The following KIAA1958 variants were observed in gnomAD, a reference collection of about 807,000 sequenced individuals.
KIAA1958 encodes KIAA1958, also known as uncharacterized protein KIAA1958.
In KIAA1958, 14 loss-of-function variants were observed where a neutral mutation model predicts 47.2. The observed-to-expected ratio is 0.30, with a 90% confidence interval of 0.20 to 0.46. The LOEUF is 0.46. Among genes scored for constraint, KIAA1958 ranks in the 20% least tolerant of loss-of-function variants. The probability of loss-of-function intolerance (pLI) is 1.00; values close to 1 mark genes in which losing one functional copy is unlikely to be tolerated. For synonymous variants in KIAA1958, 354 were observed against 353.3 expected, an observed-to-expected ratio of 1.00 and a Z score of -0.02; for missense variants, 803 against 909.2, an observed-to-expected ratio of 0.88 and a Z score of 1.50.
chr9:112,491,053 A>G (rs1025425969), intron 1 of KIAA1958, among the ~76,000 whole-genome samples: 2 of 152,202 alleles, frequency 1.3e-5, no homozygotes, highest in African/African-American at 2.4e-5. Flanking sequence ...CTGCCTCTTC[A>G]AACTCCTGGG....
At chr9:112,612,009 GAAAA>G (rs1836335847) in intron 2 of KIAA1958, among the ~76,000 whole-genome samples, 1 of 148,442 alleles carries the variant, frequency 6.7e-6, no homozygotes, top group East Asian at 1.9e-4. Flanking sequence ...ACTAAAAAAA[GAAAA>G]ATATATATTA....
intron 2 of KIAA1958, among the ~76,000 whole-genome samples, chr9:112,581,434 G>A (rs1183517253): frequency 6.6e-6 from 1 of 152,084 alleles, no homozygotes; most frequent in Non-Finnish European, 1.5e-5. Context: ...AATATGGTCC[G>A]TGGACCAGTA....
chr9:112,578,906 C>T (rs1435355523), intron 2 of KIAA1958, among the ~76,000 whole-genome samples: 1 of 152,026 alleles, frequency 6.6e-6, no homozygotes, highest in Middle Eastern at 3.2e-3. Context: ...AATATACTTA[C>T]ATACACATAG....
At chr9:112,543,937 T>A (rs560050940) in intron 1 of KIAA1958, among the ~76,000 whole-genome samples, 2 of 152,322 alleles carry the variant, frequency 1.3e-5, no homozygotes, top group East Asian at 1.9e-4. Context: ...AAAGTTTGTT[T>A]TTAATGAATA....
At chr9:112,510,262 T>C (rs1189253764) in intron 1 of KIAA1958, among the ~76,000 whole-genome samples, 3 of 152,178 alleles carry the variant, frequency 2.0e-5, no homozygotes, top group Non-Finnish European at 4.4e-5. Context: ...CCTAGGGTGG[T>C]TGTGAAGATT....
At position 112,488,712 on chromosome 9, in the gene KIAA1958, TTATG is replaced by T. The variant is rs1466302684; in HGVS notation, c.-25+1598_-25+1601del. ...AAACTTGAAGGAAAAACGTGGAAAA[TTATG>T]TATTTAAATTTTCATTAAGGTTTGA... On this transcript the variant is annotated intron_variant, in intron 1 of 3. Coordinates refer to ENST00000337530, the MANE Select transcript of KIAA1958 (RefSeq NM_133465.4). Among the ~76,000 whole-genome samples, 4 of 152,154 alleles carry T rather than the reference TTATG, an allele frequency of 2.6e-5. No individual in the cohort carries two copies. The East Asian group carries it at 7.7e-4, about 29-fold the overall frequency.
chr9:112,627,872 T>C (rs1456779578), intron 2 of KIAA1958, among the ~76,000 whole-genome samples: 1 of 152,258 alleles, frequency 6.6e-6, no homozygotes, highest in Non-Finnish European at 1.5e-5. Context: ...TTACTTAACA[T>C]ACTTGGTTGC....
At chr9:112,534,834 G>C (rs1226232504) in intron 1 of KIAA1958, among the ~76,000 whole-genome samples, 1 of 152,186 alleles carries the variant, frequency 6.6e-6, no homozygotes, top group Non-Finnish European at 1.5e-5. Flanking sequence ...GTGAGCCACT[G>C]TGCCCGGCCA....
chr9:112,607,059 C>T (rs925365157), intron 2 of KIAA1958, among the ~76,000 whole-genome samples: 2 of 152,060 alleles, frequency 1.3e-5, no homozygotes, highest in African/African-American at 2.4e-5. Context: ...TTGAATATGG[C>T]GTCAAGAGAC....
intron 1 of KIAA1958, among the ~76,000 whole-genome samples, chr9:112,502,689 C>G (rs1834163344): frequency 6.6e-6 from 1 of 152,196 alleles, no homozygotes; most frequent in Admixed American, 6.5e-5. Flanking sequence ...TAAATTTTGT[C>G]TGGTGCAACC....
At chr9:112,562,114 C>T (rs772282341) in intron 1 of KIAA1958, among the ~76,000 whole-genome samples, 29 of 152,222 alleles carry the variant, frequency 1.9e-4, no homozygotes, top group Non-Finnish European at 4.0e-4. Flanking sequence ...GCTGTCTGGG[C>T]CTCACTTTGT....
chr9:112,526,782 T>C (rs367780331), intron 1 of KIAA1958, among the ~76,000 whole-genome samples: 159 of 152,356 alleles, frequency 1.0e-3, no homozygotes, highest in African/African-American at 3.7e-3. Context: ...AGGTCCCAGC[T>C]GTTAATACTG....
At chr9:112,580,616 A>C (rs957027584) in intron 2 of KIAA1958, among the ~76,000 whole-genome samples, 1 of 152,064 alleles carries the variant, frequency 6.6e-6, no homozygotes, top group Non-Finnish European at 1.5e-5. Flanking sequence ...GTGAAACCCC[A>C]TCTCTTCTGA....
chr9:112,515,894 TAAAA>T (rs58492221), intron 1 of KIAA1958, among the ~76,000 whole-genome samples: 23 of 97,118 alleles, frequency 2.4e-4, no homozygotes, highest in East Asian at 1.2e-3. Flanking sequence ...AAAAATAAAT[TAAAA>T]AAAAAAAAAA....
At chr9:112,510,957 T>A (rs1227944787) in intron 1 of KIAA1958, among the ~76,000 whole-genome samples, 2 of 151,786 alleles carry the variant, frequency 1.3e-5, no homozygotes, top group African/African-American at 4.8e-5. Flanking sequence ...GTTGGTGCAT[T>A]TGCAAAAAAG....
chr9:112,586,675 A>C (rs369966719), intron 2 of KIAA1958, among the ~76,000 whole-genome samples: 10 of 152,330 alleles, frequency 6.6e-5, no homozygotes, highest in African/African-American at 2.2e-4. Context: ...AAGACTTCCA[A>C]ATATGCGAAA....
At chr9:112,507,724 A>G (rs1418705672) in intron 1 of KIAA1958, among the ~76,000 whole-genome samples, 1 of 152,106 alleles carries the variant, frequency 6.6e-6, no homozygotes, top group Non-Finnish European at 1.5e-5. Flanking sequence ...TATAAGATCA[A>G]AGTATAACCC....
intron 1 of KIAA1958, among the ~76,000 whole-genome samples, chr9:112,488,333 G>A (rs1833906144): frequency 6.6e-6 from 1 of 152,140 alleles, no homozygotes; most frequent in Non-Finnish European, 1.5e-5. Context: ...TGATGTTTCT[G>A]AATTGTCTTA....
intron 3 of KIAA1958, among the ~76,000 whole-genome samples, chr9:112,649,941 G>A (rs895511286): frequency 4.6e-5 from 7 of 151,912 alleles, no homozygotes; most frequent in Admixed American, 3.3e-4. Flanking sequence ...TAGCTACATG[G>A]GTAAATATGT....
Sources: gnomAD v4.1 joint callset for allele counts (sites outside exome capture counted in the v4.1 genomes callset) on GRCh38, gnomAD v4.1.1 for gene constraint, MANE v1.5 for transcripts, NCBI Gene and HGNC (gene_info 2026-07-23, HGNC 2026-07-21) for gene names.